SERP2: variants seen among roughly 807,000 people sequenced by gnomAD.
SERP2 encodes the protein stress-associated endoplasmic reticulum protein 2.
Under a neutral mutation model 9.1 loss-of-function variants are expected in SERP2, and 6 were observed. That is an observed-to-expected ratio of 0.66 (90% CI 0.36 to 1.30). The LOEUF (loss-of-function observed/expected upper bound fraction) is 1.30. Among genes scored for constraint, SERP2 ranks in the 50% most tolerant of loss-of-function variants. SERP2 has a pLI of 0.03. For missense variants in SERP2, 58 were observed against 81.9 expected (o/e 0.71, Z 1.13); for synonymous variants, 37 against 27.3 (o/e 1.35, Z -1.10).
At chr13:44,394,488 T>C (rs142347548) in intron 2 of SERP2, among the ~76,000 whole-genome samples, 41 of 152,332 alleles carry the variant, frequency 2.7e-4, no homozygotes, top group African/African-American at 9.4e-4. Flanking sequence ...TTTCTTATTA[T>C]TACCTCGAAC....
At chr13:44,397,173 G>A (rs907635382) in intron 2 of SERP2, 99 bp from the exon 3 acceptor site, 15 of 911,314 alleles carry the variant, frequency 1.6e-5, no homozygotes, top group African/African-American at 1.6e-4. Flanking sequence ...GAGCTAACAC[G>A]TCAGGGCCCA....
intron 2 of SERP2, chr13:44,390,605 G>C (rs1412025239): frequency 1.6e-5 from 5 of 306,212 alleles, no homozygotes; most frequent in African/African-American, 1.1e-4. Flanking sequence ...TTTGTGCCCT[G>C]GGGGCATTTG....
At chr13:44,377,566 A>C (rs1032295341) in intron 1 of SERP2, among the ~76,000 whole-genome samples, 5 of 152,218 alleles carry the variant, frequency 3.3e-5, no homozygotes, top group Admixed American at 1.3e-4. Flanking sequence ...AAGAGCAGCC[A>C]CCGATTCCTT....
intron 2 of SERP2, among the ~76,000 whole-genome samples, chr13:44,382,328 T>A (rs1389150424): frequency 6.7e-6 from 1 of 150,154 alleles, no homozygotes; most frequent in African/African-American, 2.4e-5. Context: ...TCCCAGCTAC[T>A]TAGGAGGCTG....
At chr13:44,374,549 TATGTTCTAGAAC>T (rs1871531358) in intron 1 of SERP2, among the ~76,000 whole-genome samples, 1 of 152,142 alleles carries the variant, frequency 6.6e-6, no homozygotes, top group Admixed American at 6.5e-5. Context: ...TGGAACCTAG[TATGTTCTAGAAC>T]GTTTGTTGAA....
intron 2 of SERP2, among the ~76,000 whole-genome samples, chr13:44,386,050 G>A (rs995308818): frequency 1.3e-5 from 2 of 152,154 alleles, no homozygotes; most frequent in Admixed American, 6.5e-5. Context: ...TTCACTCCAC[G>A]GATGAGTGGG....
intron 2 of SERP2, among the ~76,000 whole-genome samples, chr13:44,381,989 A>AGGATGGATGGAT (rs57960396): frequency 3.7e-4 from 55 of 147,708 alleles, no homozygotes; most frequent in Middle Eastern, 3.5e-3. Flanking sequence ...GTTAGTGCTT[A>AGGATGGATGGAT]GGATGGATGG....
intron 2 of SERP2, among the ~76,000 whole-genome samples, chr13:44,381,238 CAAAAAAAAAA>C (rs58535681): frequency 2.2e-5 from 1 of 46,012 alleles, no homozygotes; most frequent in African/African-American, 7.0e-5. Context: ...AACTCCGTCT[CAAAAAAAAAA>C]AAAAAAAAAA....
intron 2 of SERP2, among the ~76,000 whole-genome samples, chr13:44,385,410 C>T (rs1335792816): frequency 6.6e-6 from 1 of 152,252 alleles, no homozygotes; most frequent in Non-Finnish European, 1.5e-5. Flanking sequence ...GAGCAACAGA[C>T]CTCCCGGGGC....
chr13:44,374,621 G>A (rs541240425), intron 1 of SERP2, among the ~76,000 whole-genome samples: 6 of 152,174 alleles, frequency 3.9e-5, no homozygotes, highest in African/African-American at 1.4e-4. Context: ...ATCTCCTCCC[G>A]GACTCCACCT....
intron 2 of SERP2, among the ~76,000 whole-genome samples, chr13:44,380,248 A>G (rs753641093): frequency 2.6e-5 from 4 of 152,218 alleles, no homozygotes; most frequent in Non-Finnish European, 4.4e-5. Flanking sequence ...AGGGAAGATG[A>G]GCAGAAGCAT....
chr13:44,373,786 G>C, upstream of SERP2: 2 of 466,500 alleles, frequency 4.3e-6, no homozygotes, highest in Non-Finnish European at 7.5e-6. The surrounding 1 kb of genome is among the most constrained non-coding windows in gnomAD (Gnocchi z 4.8). Context: ...CGGAAGGATG[G>C]CGAGGAAGTC....
At chr13:44,384,339 C>A (rs1437052778) in intron 2 of SERP2, among the ~76,000 whole-genome samples, 1 of 152,144 alleles carries the variant, frequency 6.6e-6, no homozygotes, top group Non-Finnish European at 1.5e-5. Context: ...TAAGTGCCTA[C>A]CCTTCTTTTC....
At chr13:44,379,614 A>G in intron 1 of SERP2, 27 bp from the exon 2 acceptor site, 1 of 1,563,948 alleles carries the variant, frequency 6.4e-7, no homozygotes, top group African/African-American at 1.4e-5. Context: ...AATGAACCTA[A>G]TCTTACTTTT....
intron 2 of SERP2, among the ~76,000 whole-genome samples, chr13:44,389,752 T>C (rs1333917976): frequency 6.6e-6 from 1 of 152,174 alleles, no homozygotes; most frequent in Non-Finnish European, 1.5e-5. Flanking sequence ...CAGGGATAGC[T>C]AGAACCTCTC....
At chr13:44,381,470 A>T (rs1871974814) in intron 2 of SERP2, among the ~76,000 whole-genome samples, 1 of 152,142 alleles carries the variant, frequency 6.6e-6, no homozygotes, top group Non-Finnish European at 1.5e-5. Context: ...TGAACTGCAG[A>T]GGTGGAGCTT....
chr13:44,375,203 C>T (rs973983644), intron 1 of SERP2, among the ~76,000 whole-genome samples: 2 of 151,920 alleles, frequency 1.3e-5, no homozygotes, highest in Non-Finnish European at 2.9e-5. Context: ...TCCTTTTAGC[C>T]AAAGAAACTA....
chr13:44,389,900 A>C (rs1872533388), intron 2 of SERP2, among the ~76,000 whole-genome samples: 1 of 152,204 alleles, frequency 6.6e-6, no homozygotes, highest in Non-Finnish European at 1.5e-5. Flanking sequence ...TCCTCTGGTC[A>C]CACAGTCCCT....
At chr13:44,397,189 C>G (rs1873160907) in intron 2 of SERP2, 83 bp from the exon 3 acceptor site, 9 of 1,097,160 alleles carry the variant, frequency 8.2e-6, no homozygotes, top group Non-Finnish European at 1.3e-5. Context: ...GCCCAGGGGT[C>G]TGCAGAAGCC....
Sources: gnomAD v4.1 joint callset for allele counts (sites outside exome capture counted in the v4.1 genomes callset) on GRCh38, gnomAD v4.1.1 for gene constraint, Gnocchi (gnomAD v3.1) non-coding constraint, MANE v1.5 for transcripts, NCBI Gene and HGNC (gene_info 2026-07-23, HGNC 2026-07-21) for gene names.